LRRTM3: variants seen among roughly 807,000 people sequenced by gnomAD.
LRRTM3 encodes the protein leucine-rich repeat transmembrane neuronal protein 3.
Under a neutral mutation model 44.7 loss-of-function variants are expected in LRRTM3, and 24 were observed. The ratio of observed to expected loss-of-function variants is 0.54; its 90% confidence interval spans 0.39 to 0.76. The LOEUF is 0.76. LRRTM3 is among the 30% of genes least tolerant of loss of function. The pLI is 0.00. For missense variants in LRRTM3, 587 were observed against 702.2 expected (o/e 0.84, Z 1.85); for synonymous variants, 277 against 278.7 (o/e 0.99, Z 0.06).
intron 2 of LRRTM3, among the ~76,000 whole-genome samples, chr10:67,076,505 G>T (rs1370053220): frequency 1.3e-5 from 2 of 152,190 alleles, no homozygotes; most frequent in Admixed American, 1.3e-4. Flanking sequence ...CCATCAGAAT[G>T]CCAAGCCCTT....
chr10:67,061,007 T>C (rs1468298579), intron 2 of LRRTM3, among the ~76,000 whole-genome samples: 1 of 152,116 alleles, frequency 6.6e-6, no homozygotes. Flanking sequence ...CAAAGAGTCA[T>C]GGGAACCTTC....
intron 2 of LRRTM3, among the ~76,000 whole-genome samples, chr10:66,970,408 C>T (rs1383383074): frequency 6.6e-6 from 1 of 150,800 alleles, no homozygotes; most frequent in South Asian, 2.1e-4. Flanking sequence ...AACAATTATT[C>T]TTTCCTTCCC....
chr10:67,066,195 C>CCTTT (rs1856066295), intron 2 of LRRTM3, among the ~76,000 whole-genome samples: 1 of 123,076 alleles, frequency 8.1e-6, no homozygotes. Context: ...AAGTCACTGG[C>CCTTT]TTTTTTTTTT....
chr10:67,062,127 C>T (rs1324436421), intron 2 of LRRTM3, among the ~76,000 whole-genome samples: 1 of 152,016 alleles, frequency 6.6e-6, no homozygotes, highest in Admixed American at 6.6e-5. Context: ...CTCTTAGGAT[C>T]ATATAACAAA....
chr10:66,958,460 CTT>C lies in LRRTM3; in HGVS notation c.1536+30017_1536+30018del, dbSNP rs34122059. On this transcript the variant is annotated intron_variant, in intron 2 of 2. Coordinates refer to ENST00000361320, the MANE Select transcript of LRRTM3 (RefSeq NM_178011.5). ...TCTGCCTTTGTAGAAAAATAAAAAG[CTT>C]TTTTTTTTAAAAAAAATAGCATATA... Among the ~76,000 whole-genome samples the C allele has an allele frequency of 3.2e-3, 492 of 151,558 alleles. 1 individual carries two copies. Among genetic ancestry groups the C allele is most frequent in the African/African-American group, 0.011 (449 of 41,316 alleles).
At chr10:67,076,161 A>G (rs1364957976) in intron 2 of LRRTM3, among the ~76,000 whole-genome samples, 1 of 152,274 alleles carries the variant, frequency 6.6e-6, no homozygotes, top group African/African-American at 2.4e-5. Context: ...GAATAATTTC[A>G]GAAGATTCAA....
intron 2 of LRRTM3, among the ~76,000 whole-genome samples, chr10:66,929,935 C>A (rs1411550356): frequency 6.6e-6 from 1 of 152,182 alleles, no homozygotes; most frequent in Non-Finnish European, 1.5e-5. Context: ...TCAGGAACTG[C>A]AACATTGAGG....
chr10:66,928,946 G>T (rs1234847806), intron 2 of LRRTM3, among the ~76,000 whole-genome samples: 2 of 152,120 alleles, frequency 1.3e-5, no homozygotes, highest in African/African-American at 4.8e-5. Context: ...GACAGGCAGA[G>T]CCTTTAAACC....
chr10:67,052,658 G>A (rs1225024077), intron 2 of LRRTM3: 2 of 152,138 alleles, frequency 1.3e-5, no homozygotes, highest in Admixed American at 6.5e-5. Flanking sequence ...CTATTAAGAG[G>A]ATGAGGAGAA....
intron 2 of LRRTM3, among the ~76,000 whole-genome samples, chr10:67,075,681 G>A (rs1302024460): frequency 2.0e-5 from 3 of 152,176 alleles, no homozygotes; most frequent in African/African-American, 7.2e-5. Flanking sequence ...CCTCGTAAGT[G>A]CCCACTACTA....
chr10:66,927,626 A>G lies in LRRTM3; in HGVS notation c.710A>G (p.Gln237Arg), dbSNP rs1390151118. Residue 237 changes from glutamine (Q) to arginine (R), a missense_variant, in exon 2 of 3, where the codon CAG (glutamine) becomes CGG (arginine). Physicochemically the swap from Gln to Arg is conservative, Grantham distance 43 (BLOSUM62 1). This residue lies in a region of LRRTM3 where 222 missense variants were observed against 323.3 expected (regional missense o/e 0.69). Coordinates refer to ENST00000361320, the MANE Select transcript of LRRTM3 (RefSeq NM_178011.5). This position sits in a 1 kb window ranked among gnomAD's most constrained non-coding sequence, Gnocchi z 4.7. ...GTCAGCCTTCAGAACCTTTACTTGC[A>G]GTGGAATAAAATCAGTGTCATAGGA... ...RLVSLQNLYL[Q>R]WNKISVIGQT... The G allele has an allele frequency of 1.2e-6, 2 of 1,614,072 alleles. No homozygotes were observed. Among genetic ancestry groups the G allele is most frequent in the African/African-American group, 2.7e-5 (2 of 74,940 alleles).
At chr10:67,070,978 G>T (rs772680028) in intron 2 of LRRTM3, among the ~76,000 whole-genome samples, 1 of 152,106 alleles carries the variant, frequency 6.6e-6, no homozygotes, top group Non-Finnish European at 1.5e-5. Flanking sequence ...ATTGCAACAT[G>T]CATTCTTGAG....
chr10:67,043,369 G>A (rs1359412287), intron 2 of LRRTM3, among the ~76,000 whole-genome samples: 1 of 151,850 alleles, frequency 6.6e-6, no homozygotes, highest in Non-Finnish European at 1.5e-5. Flanking sequence ...CAATAATAGT[G>A]GTCTGCTCAA....
intron 2 of LRRTM3, among the ~76,000 whole-genome samples, chr10:67,045,034 T>C (rs541243603): frequency 1.3e-5 from 2 of 152,248 alleles, no homozygotes; most frequent in Non-Finnish European, 2.9e-5. Flanking sequence ...AGGTTCCCAA[T>C]AGCATAGCTT....
chr10:67,017,872 C>T (rs1380657560), intron 2 of LRRTM3, among the ~76,000 whole-genome samples: 1 of 151,982 alleles, frequency 6.6e-6, no homozygotes, highest in Non-Finnish European at 1.5e-5. Flanking sequence ...AGGGTTCAAG[C>T]GATTCTCCTG....
chr10:66,963,392 A>T (rs974860810), intron 2 of LRRTM3, among the ~76,000 whole-genome samples: 10 of 152,226 alleles, frequency 6.6e-5, no homozygotes, highest in African/African-American at 2.2e-4. Flanking sequence ...TGATTAATGC[A>T]TCTTAAATGA....
At chr10:66,999,578 A>G (rs1180811119) in intron 2 of LRRTM3, among the ~76,000 whole-genome samples, 1 of 152,066 alleles carries the variant, frequency 6.6e-6, no homozygotes. Context: ...CATCCCTTTT[A>G]GGTCACAAAA....
chr10:66,945,029 C>CCAGGATTTT (rs1206468797), intron 2 of LRRTM3, among the ~76,000 whole-genome samples: 2 of 152,040 alleles, frequency 1.3e-5, no homozygotes, highest in African/African-American at 4.8e-5. Context: ...CTTAAGGGCC[C>CCAGGATTTT]CAGGATTTTC....
chr10:66,997,055 C>A (rs916026043), intron 2 of LRRTM3, among the ~76,000 whole-genome samples: 1 of 152,124 alleles, frequency 6.6e-6, no homozygotes, highest in African/African-American at 2.4e-5. Context: ...TTAATACTAA[C>A]AGAGAGTCAA....
Sources: allele counts gnomAD v4.1 joint callset (sites outside exome capture counted in the v4.1 genomes callset), GRCh38; gene constraint gnomAD v4.1.1; regional missense constraint gnomAD v4.1.1; non-coding constraint Gnocchi (gnomAD v3.1); transcripts MANE v1.5; gene names NCBI Gene and HGNC (gene_info 2026-07-23, HGNC 2026-07-21).